PPARGC1A: variants seen among roughly 807,000 people sequenced by gnomAD.
PPARGC1A encodes peroxisome proliferator-activated receptor gamma coactivator 1-alpha.
Under a neutral mutation model 88.7 loss-of-function variants are expected in PPARGC1A, and 25 were observed. The observed-to-expected ratio is 0.28, with a 90% CI of 0.21 to 0.39. The LOEUF (loss-of-function observed/expected upper bound fraction) is 0.39. PPARGC1A is among the 10% of genes least tolerant of loss of function. PPARGC1A has a pLI of 1.00. For missense variants in PPARGC1A, 880 were observed against 968.7 expected (o/e 0.91, Z 1.22); for synonymous variants, 363 against 355.6 (o/e 1.02, Z -0.24).
At chr4:24,407,380 A>G in the PPARGC1A span, among the ~76,000 whole-genome samples, 1 of 152,222 alleles carries the variant, frequency 6.6e-6, no homozygotes, top group Non-Finnish European at 1.5e-5. Context: ...CCTCCTTTAC[A>G]GAGGTAGCAG....
the PPARGC1A span, among the ~76,000 whole-genome samples, chr4:24,207,472 T>C: frequency 6.6e-6 from 1 of 152,216 alleles, no homozygotes; most frequent in African/African-American, 2.4e-5. Flanking sequence ...GTGGAAATTT[T>C]CCCCCTTTTT....
At chr4:24,122,434 T>G in the PPARGC1A span, among the ~76,000 whole-genome samples, 16,874 of 129,402 alleles carry the variant, frequency 0.13, 1,019 homozygotes, top group African/African-American at 0.15. Flanking sequence ...TATATATATA[T>G]ATAGAGAGAG....
the PPARGC1A span, among the ~76,000 whole-genome samples, chr4:24,308,671 G>A: frequency 1.3e-5 from 2 of 152,162 alleles, no homozygotes; most frequent in Admixed American, 1.3e-4. Flanking sequence ...GTGAGAGGAA[G>A]GGCTCTAGGC....
chr4:23,876,001 G>C (rs983957917), intron 2 of PPARGC1A: 1 of 152,096 alleles, frequency 6.6e-6, no homozygotes, highest in Non-Finnish European at 1.5e-5. Flanking sequence ...TAAACACAAT[G>C]CTCAAGTTCC....
the PPARGC1A span, among the ~76,000 whole-genome samples, chr4:24,347,665 C>T: frequency 6.6e-6 from 1 of 152,088 alleles, no homozygotes; most frequent in Admixed American, 6.6e-5. Flanking sequence ...TTAGGTGATT[C>T]TCCTGAAGAC....
chr4:24,255,029 C>T, the PPARGC1A span, among the ~76,000 whole-genome samples: 1 of 152,274 alleles, frequency 6.6e-6, no homozygotes, highest in African/African-American at 2.4e-5. Context: ...AAAGACTGAG[C>T]ATATTTCAGG....
chr4:24,331,773 A>ATATG, the PPARGC1A span, among the ~76,000 whole-genome samples: 1 of 109,230 alleles, frequency 9.2e-6, no homozygotes, highest in East Asian at 2.6e-4. Flanking sequence ...TATTTTATAT[A>ATATG]TATATATATA....
At chr4:24,335,398 AG>A in the PPARGC1A span, among the ~76,000 whole-genome samples, 1 of 152,168 alleles carries the variant, frequency 6.6e-6, no homozygotes, top group African/African-American at 2.4e-5. Context: ...TGATGTCAAA[AG>A]CAATTTTCTT....
At chr4:24,335,592 G>A in the PPARGC1A span, among the ~76,000 whole-genome samples, 5 of 152,122 alleles carry the variant, frequency 3.3e-5, no homozygotes, top group Non-Finnish European at 5.9e-5. Flanking sequence ...AGCCACCCCC[G>A]AAAAGTTTCA....
At chr4:24,315,174 T>C in the PPARGC1A span, among the ~76,000 whole-genome samples, 5 of 152,132 alleles carry the variant, frequency 3.3e-5, no homozygotes, top group Non-Finnish European at 7.4e-5. Context: ...ATAAACAGCT[T>C]CTAACTTGCT....
chr4:24,231,150 C>T, the PPARGC1A span, among the ~76,000 whole-genome samples: 62 of 152,158 alleles, frequency 4.1e-4, no homozygotes, highest in Middle Eastern at 6.8e-3. Context: ...GTCCATTGCC[C>T]AAAACCCCAG....
At chr4:23,996,775 C>T in the PPARGC1A span, among the ~76,000 whole-genome samples, 7 of 152,328 alleles carry the variant, frequency 4.6e-5, no homozygotes, top group Non-Finnish European at 8.8e-5. Context: ...AGCATTAATG[C>T]CCCCATTGGC....
At chr4:23,929,458 G>A in the PPARGC1A span, among the ~76,000 whole-genome samples, 1 of 152,180 alleles carries the variant, frequency 6.6e-6, no homozygotes, top group African/African-American at 2.4e-5. Context: ...TGGAGCCAGA[G>A]GTGAATTGCT....
At chr4:24,282,530 TG>T in the PPARGC1A span, among the ~76,000 whole-genome samples, 1 of 152,230 alleles carries the variant, frequency 6.6e-6, no homozygotes. Context: ...CATCAGAACG[TG>T]TCACTGATGA....
chr4:24,088,419 G>A, the PPARGC1A span, among the ~76,000 whole-genome samples: 1 of 151,844 alleles, frequency 6.6e-6, no homozygotes, highest in East Asian at 1.9e-4. Flanking sequence ...GGAAGCAGAA[G>A]AAGAAGAGGA....
the PPARGC1A span, among the ~76,000 whole-genome samples, chr4:24,264,741 G>A: frequency 2.0e-5 from 3 of 152,198 alleles, no homozygotes; most frequent in Non-Finnish European, 2.9e-5. Flanking sequence ...AATAAAAAGC[G>A]CAACAGGAAT....
the PPARGC1A span, among the ~76,000 whole-genome samples, chr4:24,135,888 G>A: frequency 6.6e-6 from 1 of 152,118 alleles, no homozygotes; most frequent in African/African-American, 2.4e-5. Context: ...GGGAGTAACC[G>A]GAATGCGTTT....
the PPARGC1A span, among the ~76,000 whole-genome samples, chr4:24,396,548 A>C: frequency 5.9e-5 from 9 of 152,178 alleles, no homozygotes; most frequent in Non-Finnish European, 1.3e-4. Flanking sequence ...CTGTCTGTGA[A>C]GCATCCTCTA....
the PPARGC1A span, among the ~76,000 whole-genome samples, chr4:24,045,999 C>A: frequency 1.3e-5 from 2 of 152,172 alleles, no homozygotes; most frequent in African/African-American, 4.8e-5. Context: ...ATTCCTACCA[C>A]ATACTAAGAC....
Sources: allele counts gnomAD v4.1 joint callset (sites outside exome capture counted in the v4.1 genomes callset), GRCh38; gene constraint gnomAD v4.1.1; transcripts MANE v1.5; gene names NCBI Gene and HGNC (gene_info 2026-07-23, HGNC 2026-07-21).